The following CAST variants were observed in gnomAD, a reference collection of about 807,000 sequenced individuals.
The protein encoded by CAST is calpastatin.
A neutral mutation model predicts 119.6 loss-of-function variants in CAST; 76 were observed. The ratio of observed to expected loss-of-function variants is 0.64; its 90% CI spans 0.53 to 0.77. The LOEUF (loss-of-function observed/expected upper bound fraction) is 0.77. CAST is among the 30% of genes least tolerant of loss of function. The pLI is 0.00. For synonymous variants in CAST, 319 were observed against 331.6 expected (o/e 0.96, Z 0.41); for missense variants, 953 against 946.5 (o/e 1.01, Z -0.09).
chr5:96,117,043 C>T, the CAST span, among the ~76,000 whole-genome samples: 2 of 152,190 alleles, frequency 1.3e-5, no homozygotes, highest in African/African-American at 4.8e-5. Flanking sequence ...CACCCTGAAG[C>T]CTTTGTTAAG....
At chr5:96,125,741 C>G in the CAST span, among the ~76,000 whole-genome samples, 1 of 152,070 alleles carries the variant, frequency 6.6e-6, no homozygotes, top group Non-Finnish European at 1.5e-5. Flanking sequence ...ATTTCTGTAT[C>G]TTTTTTTAGC....
chr5:96,235,512 T>G, the CAST span, among the ~76,000 whole-genome samples: 1 of 152,302 alleles, frequency 6.6e-6, no homozygotes, highest in South Asian at 2.1e-4. Context: ...GAATGTTAGT[T>G]TAATGGTAAT....
the CAST span, among the ~76,000 whole-genome samples, chr5:96,219,170 T>A: frequency 6.6e-6 from 1 of 152,174 alleles, no homozygotes; most frequent in African/African-American, 2.4e-5. Context: ...ATGACAGATA[T>A]ATAATGTCAA....
the CAST span, among the ~76,000 whole-genome samples, chr5:96,453,694 G>T: frequency 1.3e-5 from 2 of 152,190 alleles, no homozygotes; most frequent in African/African-American, 4.8e-5. Flanking sequence ...AGCATGCATG[G>T]AATATGATTC....
At chr5:96,695,447 G>A (rs1294329106) in intron 2 of CAST, among the ~76,000 whole-genome samples, 1 of 152,028 alleles carries the variant, frequency 6.6e-6, no homozygotes, top group African/African-American at 2.4e-5. Context: ...ATTTCCCTAA[G>A]ATACATTTTT....
the CAST span, among the ~76,000 whole-genome samples, chr5:96,412,752 G>GTTTTTTTGTTTTTTTTTTTT: frequency 1.4e-5 from 1 of 71,832 alleles, no homozygotes; most frequent in African/African-American, 9.0e-5. Context: ...CAGCTGTGAT[G>GTTTTTTTGTTTTTTTTTTTT]TTTTTTTTTT....
At chr5:96,399,668 T>G in the CAST span, among the ~76,000 whole-genome samples, 2 of 152,138 alleles carry the variant, frequency 1.3e-5, no homozygotes, top group Non-Finnish European at 2.9e-5. Context: ...ATCTTAAAAC[T>G]GATGGGTGGT....
At chr5:96,592,624 T>C (rs1432702345) in intron 1 of CAST, among the ~76,000 whole-genome samples, 1 of 152,180 alleles carries the variant, frequency 6.6e-6, no homozygotes, top group East Asian at 1.9e-4. Context: ...CCAAACCTAT[T>C]TTCCACATAA....
the CAST span, among the ~76,000 whole-genome samples, chr5:96,219,952 T>C: frequency 1.3e-5 from 2 of 152,164 alleles, no homozygotes; most frequent in Non-Finnish European, 2.9e-5. Flanking sequence ...TAAGGTCACT[T>C]TCTTTTGGAG....
At chr5:96,728,560 T>G (rs1480162904) in intron 6 of CAST, 1 of 151,668 alleles carries the variant, frequency 6.6e-6, no homozygotes, top group Non-Finnish European at 1.5e-5. Context: ...CACTGCAAGC[T>G]CCGCCTCCCG....
the CAST span, among the ~76,000 whole-genome samples, chr5:96,167,799 A>G: frequency 6.6e-6 from 1 of 152,130 alleles, no homozygotes; most frequent in Admixed American, 6.5e-5. Flanking sequence ...ACCAAGAGGT[A>G]TTTTAGTTTC....
the CAST span, among the ~76,000 whole-genome samples, chr5:96,446,083 A>G: frequency 6.6e-6 from 1 of 151,872 alleles, no homozygotes; most frequent in South Asian, 2.1e-4. Context: ...TCCTCAGCTC[A>G]AGCTCAGACT....
chr5:96,733,817 C>T (rs111564010), intron 9 of CAST, among the ~76,000 whole-genome samples: 1,851 of 152,164 alleles, frequency 0.012, 36 homozygotes, highest in South Asian at 0.033. Context: ...GCAGAGGTTG[C>T]GGTGAGCCAA....
At chr5:96,535,153 C>T (rs1745783671) in intron 1 of CAST, among the ~76,000 whole-genome samples, 1 of 152,060 alleles carries the variant, frequency 6.6e-6, no homozygotes, top group Admixed American at 6.5e-5. Context: ...ATGAGAGGAA[C>T]CAGTGGAAAA....
the CAST span, among the ~76,000 whole-genome samples, chr5:96,051,840 C>T: frequency 1.1e-4 from 17 of 152,254 alleles, 1 homozygote; most frequent in South Asian, 3.5e-3. Flanking sequence ...TTAATTCTGT[C>T]ATGAACAAGG....
At chr5:96,232,471 G>A in the CAST span, among the ~76,000 whole-genome samples, 3 of 152,076 alleles carry the variant, frequency 2.0e-5, no homozygotes, top group African/African-American at 4.8e-5. Context: ...ATGGGGATCT[G>A]CAGAAAAGGA....
chr5:96,447,864 G>A, the CAST span, among the ~76,000 whole-genome samples: 1 of 152,014 alleles, frequency 6.6e-6, no homozygotes, highest in East Asian at 1.9e-4. Flanking sequence ...TGTCCACTGT[G>A]TGTTGAAACC....
At chr5:96,146,791 T>G in the CAST span, among the ~76,000 whole-genome samples, 1 of 152,214 alleles carries the variant, frequency 6.6e-6, no homozygotes, top group Non-Finnish European at 1.5e-5. Flanking sequence ...AAGTTCATTG[T>G]GACTCAGCAG....
chr5:96,663,477 A>G lies in CAST; in HGVS notation c.75+980A>G, dbSNP rs186303642. 2.6e-3 allele frequency among the ~76,000 whole-genome samples: 399 copies of G among 152,316 alleles called. 1 individual carries two copies. Among genetic ancestry groups the G allele is most frequent in the African/African-American group, 9.0e-3 (374 of 41,568 alleles). ...ATGGAACTGGAATTGTTGCTGGAGG[A>G]ATTCTGTCTAGGAGGTGGATTCCTG... On this transcript the variant is annotated intron_variant, in intron 1 of 31. Coordinates refer to ENST00000675179, the MANE Select transcript of CAST (RefSeq NM_001750.7).
Sources: gnomAD v4.1 joint callset for allele counts (sites outside exome capture counted in the v4.1 genomes callset) on GRCh38, gnomAD v4.1.1 for gene constraint, MANE v1.5 for transcripts, NCBI Gene and HGNC (gene_info 2026-07-23, HGNC 2026-07-21) for gene names.